Variants in CCDC187 observed in about 807,000 individuals in gnomAD.
CCDC187 encodes the protein coiled-coil domain-containing protein 187.
Under a neutral mutation model 38.0 loss-of-function variants are expected in CCDC187, and 32 were observed. That is an observed-to-expected ratio of 0.84 (90% CI 0.64 to 1.13). The LOEUF is 1.13. CCDC187 is among the 50% of genes most tolerant of loss of function. The probability of loss-of-function intolerance (pLI) is 0.00; values close to 1 mark genes in which losing one functional copy is unlikely to be tolerated. For missense variants in CCDC187, 707 were observed against 786.8 expected (o/e 0.90, Z 1.21); for synonymous variants, 333 against 347.9 (o/e 0.96, Z 0.48).
intron 10 of CCDC187, among the ~76,000 whole-genome samples, chr9:136,277,293 G>A (rs1830949474): frequency 8.9e-6 from 1 of 111,868 alleles, no homozygotes; most frequent in Non-Finnish European, 1.8e-5. Flanking sequence ...GTGGGTGGGT[G>A]ATGACGGGGT....
chr9:136,272,955 A>G (rs1830865539), intron 14 of CCDC187, among the ~76,000 whole-genome samples: 1 of 152,206 alleles, frequency 6.6e-6, no homozygotes, highest in Admixed American at 6.5e-5. Context: ...GCCTTGTACT[A>G]TAAGTGAAGT....
Position 136,300,227 on chromosome 9 carries a change from C to G in CCDC187, c.717G>C (p.Gln239His). The change falls in exon 3 of 26, where the codon CAG (glutamine) becomes CAC (histidine). Residue 239 changes from glutamine to histidine, a missense_variant. Transcript: ENST00000638797. ...CGCCGCAGAGCCGCTCACCAGGAAC[C>G]TGGTGCTGGGAGACCCTGGAGAGCT... ...GRELSRVSQHQVPVLREKPKR... is the reference protein window; with the variant it reads ...GRELSRVSQHHVPVLREKPKR... 1 of 398,742 alleles carries G rather than the reference C, an allele frequency of 2.5e-6. No individual in the cohort carries two copies. 24.7% of individuals were successfully genotyped at this position (398,742 alleles called of 1,614,324 possible). A position where few individuals can be genotyped will look rare whatever the true frequency, so the allele number is the denominator to read the frequency against.
At chr9:136,285,177 G>A (rs1831145039) in intron 9 of CCDC187, among the ~76,000 whole-genome samples, 1 of 152,070 alleles carries the variant, frequency 6.6e-6, no homozygotes, top group African/African-American at 2.4e-5. Flanking sequence ...GGATGGCAAG[G>A]ACCACCCGAG....
At chr9:136,293,842 G>A (rs1034109104) in intron 4 of CCDC187, among the ~76,000 whole-genome samples, 4 of 94,042 alleles carry the variant, frequency 4.3e-5, no homozygotes, top group African/African-American at 1.2e-4. Flanking sequence ...CCACACACTC[G>A]TTCTCACACA....
chr9:136,262,631 G>A (rs1317261905), intron 18 of CCDC187, among the ~76,000 whole-genome samples, 169 bp from the exon 19 acceptor site: 1 of 152,182 alleles, frequency 6.6e-6, no homozygotes, highest in Non-Finnish European at 1.5e-5. Flanking sequence ...TTTGAGCAGG[G>A]GTCCTGCACC....
chr9:136,290,687 G>A lies in CCDC187; in HGVS notation c.1926C>T (p.Phe642=). 1 of 398,564 alleles carries A rather than the reference G, an allele frequency of 2.5e-6. No homozygotes were observed. The allele number at this position is 398,564 out of a possible 1,614,324, so 24.7% of individuals were successfully genotyped here. A position where few individuals can be genotyped will look rare whatever the true frequency, so the allele number is the denominator to read the frequency against. Residue 642 remains phenylalanine (F), a synonymous_variant, in exon 6 of 26, where the codon TTC becomes TTT. Coordinates refer to ENST00000638797, the MANE Select transcript of CCDC187 (RefSeq NM_001378188.1). ...PSHSSESLRE[F]MRQKAQARRR... ...GCCGGGCCTGCGCCTTCTGGCGCAT[G>A]AACTCCCGCAAGGACTCAGAGCTGT...
In CCDC187 at chr9:136,301,586, CT is replaced by C. The variant is rs1207423796; in HGVS notation, c.625+1225del. 3.3e-3 allele frequency among the ~76,000 whole-genome samples: 420 copies of C among 126,540 alleles called. 6 individuals carry two copies. The highest frequency in any genetic ancestry group is 0.011 in the African/African-American group (358 of 32,890). 83.0% of individuals were successfully genotyped at this position (126,540 alleles called of 152,430 possible). ...TACATTTTATGTTATGCATACGTTA[CT>C]TTTTTTTTTTTTTTTTTGAGACGAA... On this transcript the variant is annotated intron_variant, in intron 2 of 25. Transcript: ENST00000638797.
chr9:136,296,935 C>G (rs1831549453), intron 4 of CCDC187, among the ~76,000 whole-genome samples: 1 of 152,184 alleles, frequency 6.6e-6, no homozygotes, highest in African/African-American at 2.4e-5. Flanking sequence ...ACAAAGTCCC[C>G]AAGCTACTGG....
rs373894798 is a variant in CCDC187, at chr9:136,254,017, G to A, written c.5811C>T (p.Thr1937=). ...CAGGAGGAGCCTGCAGGGTCACCGG[G>A]GTCTCGGGCTCTGGCATGAGGTACG... is the stretch of plus-strand genomic sequence containing the variant. The part of the protein sequence containing the change: ...KLPYLMPEPE[T]PVTLQAPPGD... The change falls in exon 26 of 26, where the codon ACC becomes ACT. Residue 1937 remains threonine (T), a synonymous_variant. Coordinates refer to ENST00000638797, the MANE Select transcript of CCDC187 (RefSeq NM_001378188.1). 6.4e-4 allele frequency: 631 copies of A among 984,662 alleles called. 10 individuals carry two copies. In the South Asian group the frequency reaches 0.026, roughly 41 times the overall value. The allele number at this position is 984,662 out of a possible 1,614,324, so 61.0% of individuals were successfully genotyped here. A position where few individuals can be genotyped will look rare whatever the true frequency, so the allele number is the denominator to read the frequency against.
At chr9:136,265,780 T>C (rs966442172) in intron 17 of CCDC187, 176 bp downstream of exon 17, 1 of 177,050 alleles carries the variant, frequency 5.6e-6, no homozygotes, top group Admixed American at 6.5e-5. Context: ...TGATGCCCTC[T>C]TGGGCCGTGG....
intron 4 of CCDC187, among the ~76,000 whole-genome samples, chr9:136,295,331 C>T (rs993755218): frequency 6.6e-6 from 1 of 152,214 alleles, no homozygotes; most frequent in Admixed American, 6.5e-5. Context: ...CCCATTAGCC[C>T]GCCAGAGGGT....
intron 10 of CCDC187, among the ~76,000 whole-genome samples, chr9:136,280,147 G>A (rs1011238852): frequency 6.6e-5 from 10 of 152,354 alleles, no homozygotes; most frequent in Middle Eastern, 3.4e-3. Flanking sequence ...CCACCCCACC[G>A]GCACATGCGC....
chr9:136,289,406 C>T (rs1831256496), intron 7 of CCDC187, among the ~76,000 whole-genome samples: 1 of 150,320 alleles, frequency 6.7e-6, no homozygotes, highest in African/African-American at 2.5e-5. Flanking sequence ...ATAATCCCAG[C>T]TACTCAGGAG....
chr9:136,279,503 G>A (rs1461157651), intron 10 of CCDC187, among the ~76,000 whole-genome samples: 1 of 152,234 alleles, frequency 6.6e-6, no homozygotes. Flanking sequence ...CAAGGAGGAG[G>A]CAGAGCCTGA....
intron 9 of CCDC187, among the ~76,000 whole-genome samples, chr9:136,284,528 G>A (rs935490129): frequency 5.3e-5 from 8 of 152,138 alleles, no homozygotes; most frequent in South Asian, 4.1e-4. Flanking sequence ...GGGTGCTTCC[G>A]TCAAGGACAG....
In CCDC187 at chr9:136,253,519, T is replaced by C. The variant is rs1830574205; in HGVS notation, c.*75A>G. On this transcript the variant is annotated 3_prime_UTR_variant, in exon 26 of 26. Transcript: ENST00000638797. ...ACTGGCTGCCTCCGGCCTCATCCCC[T>C]GCTGCAGAACTGCATCTACCCAACT... 2 of 853,316 alleles carry C rather than the reference T, an allele frequency of 2.3e-6. No homozygotes were observed. Among genetic ancestry groups the C allele is most frequent in the Non-Finnish European group, 1.4e-6 (1 of 709,246 alleles). The allele number at this position is 853,316 out of a possible 1,614,324, so 52.9% of individuals were successfully genotyped here.
At chr9:136,289,592 C>A (rs1297688786) in intron 7 of CCDC187, among the ~76,000 whole-genome samples, 1 of 150,978 alleles carries the variant, frequency 6.6e-6, no homozygotes, top group Admixed American at 6.6e-5. Context: ...GGCTCCCCCA[C>A]AAGGGCTGCA....
At chr9:136,256,539 G>A (rs1250329051) in intron 23 of CCDC187, among the ~76,000 whole-genome samples, 166 bp downstream of exon 23, 1 of 152,236 alleles carries the variant, frequency 6.6e-6, no homozygotes, top group Non-Finnish European at 1.5e-5. Flanking sequence ...CCCAGGTGTT[G>A]AGTCTTAGGG....
At chr9:136,273,735 T>C (rs1554762757) in intron 14 of CCDC187, among the ~76,000 whole-genome samples, 1 of 152,220 alleles carries the variant, frequency 6.6e-6, no homozygotes, top group African/African-American at 2.4e-5. Flanking sequence ...CCCACTGACG[T>C]AGACTGTCTT....
Sources: gnomAD v4.1 joint callset for allele counts (sites outside exome capture counted in the v4.1 genomes callset) on GRCh38, gnomAD v4.1.1 for gene constraint, MANE v1.5 for transcripts, NCBI Gene and HGNC (gene_info 2026-07-23, HGNC 2026-07-21) for gene names.